The following SRFBP1 variants were observed in gnomAD, a reference collection of about 807,000 sequenced individuals.
SRFBP1 encodes serum response factor-binding protein 1.
Under a neutral mutation model 45.5 loss-of-function variants are expected in SRFBP1, and 47 were observed. The observed-to-expected ratio is 1.03, with a 90% CI of 0.82 to 1.32. SRFBP1 has a LOEUF of 1.32. Ranked by LOEUF, SRFBP1 falls within the 40% of genes most tolerant of loss-of-function variation. The probability of loss-of-function intolerance (pLI) is 0.00; values close to 1 mark genes in which losing one functional copy is unlikely to be tolerated. For missense variants in SRFBP1, 621 were observed against 484.6 expected (o/e 1.28, Z -2.64); for synonymous variants, 203 against 166.3 (o/e 1.22, Z -1.70).
intron 2 of SRFBP1, among the ~76,000 whole-genome samples, chr5:122,071,464 A>G (rs1283413332): frequency 6.6e-6 from 1 of 152,212 alleles, no homozygotes; most frequent in African/African-American, 2.4e-5. Flanking sequence ...GCATGACTAA[A>G]TTGATGAATG....
chr5:122,077,807 A>G (rs1378790528), downstream of SRFBP1: 3 of 1,549,794 alleles, frequency 1.9e-6, no homozygotes, highest in East Asian at 7.2e-5. The surrounding 1 kb of genome is among the most constrained non-coding windows in gnomAD (Gnocchi z 4.9). Flanking sequence ...CTGTGAGCCC[A>G]GGCTCAGCAA....
At chr5:122,022,769 G>C (rs1347885019) in intron 7 of SRFBP1, among the ~76,000 whole-genome samples, 2 of 152,098 alleles carry the variant, frequency 1.3e-5, no homozygotes, top group Non-Finnish European at 2.9e-5. Context: ...TTACTTTCTT[G>C]GGCAAGAGTA....
intron 2 of SRFBP1, among the ~76,000 whole-genome samples, chr5:122,056,308 G>A (rs974079459): frequency 2.0e-5 from 3 of 152,088 alleles, no homozygotes; most frequent in Non-Finnish European, 4.4e-5. Flanking sequence ...ATGACCAGCT[G>A]AATGTAAATA....
intron 4 of SRFBP1, among the ~76,000 whole-genome samples, chr5:122,012,363 G>T (rs1247046564): frequency 6.6e-6 from 1 of 151,912 alleles, no homozygotes; most frequent in Non-Finnish European, 1.5e-5. Context: ...TAATTGCTAT[G>T]GTTTAGTAAA....
Position 121,994,618 on chromosome 5 carries a change from T to A in SRFBP1, c.218T>A (p.Val73Glu). Residue 73 changes from valine (V) to glutamate (E), a missense_variant, in exon 4 of 8, where the codon GTA becomes GAA. Physicochemically the swap from Val to Glu is moderately radical, Grantham distance 121. Coordinates refer to ENST00000339397, the MANE Select transcript of SRFBP1 (RefSeq NM_152546.3). ...TCACAGGAATTGAAACCTGACATAG[T>A]AACTAAATCTGCTCTTGGTGATGAT... ...HAMKELKPDI[V>E]TKSALGDDIN... The A allele has an allele frequency of 6.3e-7, 1 of 1,597,492 alleles. No homozygotes were observed. Among genetic ancestry groups the A allele is most frequent in the African/African-American group, 1.3e-5 (1 of 74,146 alleles).
At chr5:122,049,906 G>T (rs1360011485) in intron 2 of SRFBP1, among the ~76,000 whole-genome samples, 1 of 152,200 alleles carries the variant, frequency 6.6e-6, no homozygotes, top group East Asian at 1.9e-4. Flanking sequence ...AGCACTAAAT[G>T]CTCACAAGAG....
intron 1 of SRFBP1, among the ~76,000 whole-genome samples, chr5:121,973,390 A>G (rs1241317187): frequency 1.3e-5 from 2 of 151,886 alleles, no homozygotes; most frequent in East Asian, 1.9e-4. Flanking sequence ...GGGAAGAAGG[A>G]CATTCCAGGA....
At chr5:121,994,220 A>T (rs1408615464) in intron 3 of SRFBP1, among the ~76,000 whole-genome samples, 1 of 151,692 alleles carries the variant, frequency 6.6e-6, no homozygotes, top group Non-Finnish European at 1.5e-5. Flanking sequence ...CTTTGTCTTC[A>T]TTTTGTTTTC....
chr5:122,024,952 TG>T (rs796209298), intron 7 of SRFBP1, among the ~76,000 whole-genome samples: 19 of 152,282 alleles, frequency 1.2e-4, no homozygotes, highest in South Asian at 8.3e-4. Flanking sequence ...TGTTTTGTTT[TG>T]TTTTTTTTAT....
At chr5:122,008,346 C>T (rs756057213) in intron 4 of SRFBP1, among the ~76,000 whole-genome samples, 1 of 152,032 alleles carries the variant, frequency 6.6e-6, no homozygotes, top group Non-Finnish European at 1.5e-5. Flanking sequence ...CCTGGAGTCT[C>T]AGTCCTTGGT....
chr5:122,072,647 G>T (rs141827856), intron 2 of SRFBP1, among the ~76,000 whole-genome samples: 1 of 152,244 alleles, frequency 6.6e-6, no homozygotes, highest in East Asian at 1.9e-4. Flanking sequence ...TGAAGTCCAT[G>T]TGAAAGAGAC....
chr5:122,052,058 G>A (rs1273528521), intron 2 of SRFBP1, among the ~76,000 whole-genome samples: 1 of 152,124 alleles, frequency 6.6e-6, no homozygotes, highest in African/African-American at 2.4e-5. Flanking sequence ...TTTTCTTTAA[G>A]AATGCCGAAT....
intron 2 of SRFBP1, among the ~76,000 whole-genome samples, chr5:122,049,957 G>A (rs992853544): frequency 2.0e-5 from 3 of 151,856 alleles, no homozygotes; most frequent in Non-Finnish European, 4.4e-5. Flanking sequence ...ACATGAAGGA[G>A]TGTTGAATTT....
intron 1 of SRFBP1, among the ~76,000 whole-genome samples, chr5:121,966,946 A>ATTTTTTTTTTT (rs34687337): frequency 0.011 from 1,222 of 113,388 alleles, no homozygotes; most frequent in Non-Finnish European, 0.015. Context: ...CGCCCAGCTA[A>ATTTTTTTTTTT]TTTTTTTTTT....
intron 2 of SRFBP1, among the ~76,000 whole-genome samples, chr5:122,047,080 G>A (rs1580543316): frequency 6.6e-6 from 1 of 152,266 alleles, no homozygotes; most frequent in Middle Eastern, 3.4e-3. Context: ...TTTGGCTTTT[G>A]TTGCCATTGC....
intron 7 of SRFBP1, among the ~76,000 whole-genome samples, chr5:122,025,209 G>A (rs574178502): frequency 1.3e-5 from 2 of 152,182 alleles, no homozygotes; most frequent in Admixed American, 6.5e-5. Flanking sequence ...AGGACATGCG[G>A]TGTTTGGTTT....
chr5:121,986,496 C>G (rs1477347777), intron 3 of SRFBP1, among the ~76,000 whole-genome samples: 2 of 152,076 alleles, frequency 1.3e-5, no homozygotes, highest in East Asian at 1.9e-4. Flanking sequence ...TGTGGCCCAG[C>G]ATGTTTATTA....
chr5:121,988,727 A>G (rs1359246374), intron 3 of SRFBP1, among the ~76,000 whole-genome samples: 1 of 152,212 alleles, frequency 6.6e-6, no homozygotes, highest in Non-Finnish European at 1.5e-5. Context: ...CTCTCTGATC[A>G]GATTGGTACC....
At chr5:121,985,711 T>C (rs542177460) in intron 3 of SRFBP1, among the ~76,000 whole-genome samples, 6 of 152,072 alleles carry the variant, frequency 3.9e-5, no homozygotes, top group South Asian at 2.1e-4. Context: ...CAAGCACTTA[T>C]TGAGCATTTA....
Sources: gnomAD v4.1 joint callset for allele counts (sites outside exome capture counted in the v4.1 genomes callset) on GRCh38, gnomAD v4.1.1 for gene constraint, Gnocchi (gnomAD v3.1) non-coding constraint, MANE v1.5 for transcripts, NCBI Gene and HGNC (gene_info 2026-07-23, HGNC 2026-07-21) for gene names.